EYS: variants seen among roughly 807,000 people sequenced by gnomAD.
EYS encodes EGF-like photoreceptor maintenance factor, also known as protein eyes shut homolog.
A neutral mutation model predicts 282.1 loss-of-function variants in EYS; 250 were observed. The ratio of observed to expected loss-of-function variants is 0.89; its 90% CI spans 0.80 to 0.98. The LOEUF is 0.98. EYS is among the 50% of genes least tolerant of loss of function. The pLI is 0.00. For synonymous variants in EYS, 1,355 were observed against 1,282.9 expected, an observed-to-expected ratio of 1.06 and a Z score of -1.20; for missense variants, 4,016 against 3,709.0, an observed-to-expected ratio of 1.08 and a Z score of -2.15.
In EYS at chr6:64,886,866, G is replaced by C. The variant is rs7743515; in HGVS notation, c.2847-24C>G. 1.1e-5 allele frequency: 16 copies of C among 1,428,770 alleles called. No individual in the cohort carries two copies. In the African/African-American group the frequency reaches 2.3e-4, roughly 21 times the overall value. 88.5% of individuals were successfully genotyped at this position (1,428,770 alleles called of 1,614,324 possible). A position where few individuals can be genotyped will look rare whatever the true frequency, so the allele number is the denominator to read the frequency against. On this transcript the variant is annotated intron_variant, in intron 18 of 42. Transcript: ENST00000503581. ...ATCTGGAGAAAAGTGGAGAAATGAG[G>C]AATAGCCATGTAACAATGATAATCA...
At chr6:65,336,473 T>A (rs969946920) in intron 10 of EYS, among the ~76,000 whole-genome samples, 1 of 151,694 alleles carries the variant, frequency 6.6e-6, no homozygotes. Context: ...ATGTATTGAA[T>A]ATATGTACAT....
At chr6:63,867,991 A>C (rs540489359) in intron 35 of EYS, among the ~76,000 whole-genome samples, 29 of 152,280 alleles carry the variant, frequency 1.9e-4, no homozygotes, top group African/African-American at 6.7e-4. Context: ...GGATATTATA[A>C]TTTTATTTCT....
intron 26 of EYS, among the ~76,000 whole-genome samples, chr6:64,528,093 T>C (rs1777982943): frequency 6.6e-6 from 1 of 151,908 alleles, no homozygotes; most frequent in African/African-American, 2.4e-5. Context: ...ATGAATTCAA[T>C]TACAACATGT....
intron 12 of EYS, among the ~76,000 whole-genome samples, chr6:65,139,281 A>T (rs1354298711): frequency 6.6e-6 from 1 of 152,068 alleles, no homozygotes; most frequent in East Asian, 1.9e-4. Flanking sequence ...CATCCTTTGA[A>T]ACAACATGGA....
At chr6:64,567,986 T>C (rs1765613053) in intron 26 of EYS, among the ~76,000 whole-genome samples, 1 of 152,170 alleles carries the variant, frequency 6.6e-6, no homozygotes, top group African/African-American at 2.4e-5. Context: ...GCACAGATTG[T>C]GGGAACACAA....
chr6:65,092,890 G>T (rs2150178796), intron 12 of EYS, among the ~76,000 whole-genome samples: 2 of 152,156 alleles, frequency 1.3e-5, no homozygotes, highest in Middle Eastern at 3.4e-3. Context: ...AGAATAAAAA[G>T]AGAAAAAGGC....
chr6:65,097,779 A>G (rs534348646), intron 12 of EYS, among the ~76,000 whole-genome samples: 1 of 150,116 alleles, frequency 6.7e-6, no homozygotes, highest in East Asian at 1.9e-4. Context: ...TGATTCTACT[A>G]ATAGGAAGTA....
chr6:64,658,310 T>A (rs1768837946), intron 22 of EYS, among the ~76,000 whole-genome samples: 1 of 87,696 alleles, frequency 1.1e-5, no homozygotes, highest in Non-Finnish European at 2.3e-5. Context: ...CTTCCTCCTT[T>A]AGCTCGGAAG....
chr6:64,585,431 A>G (rs1279382398), intron 26 of EYS, among the ~76,000 whole-genome samples: 2 of 152,146 alleles, frequency 1.3e-5, no homozygotes, highest in African/African-American at 4.8e-5. Context: ...TACACCATGT[A>G]ACGAACCTGC....
At chr6:64,593,404 T>C (rs1176102804) in intron 24 of EYS, 95 bp from the exon 25 acceptor site, 8 of 879,132 alleles carry the variant, frequency 9.1e-6, no homozygotes, top group African/African-American at 1.7e-5. Context: ...TGCATTTCCA[T>C]AGACATATTG....
At chr6:64,396,007 C>A (rs1411218560) in intron 28 of EYS, among the ~76,000 whole-genome samples, 2 of 151,794 alleles carry the variant, frequency 1.3e-5, no homozygotes, top group Non-Finnish European at 2.9e-5. Context: ...CTACCCAGGA[C>A]AAAAGGCACA....
intron 22 of EYS, among the ~76,000 whole-genome samples, chr6:64,769,578 G>A (rs918862080): frequency 1.3e-5 from 2 of 152,000 alleles, no homozygotes; most frequent in African/African-American, 4.8e-5. Context: ...CCAATTTAGT[G>A]ACTACAGACA....
intron 30 of EYS, among the ~76,000 whole-genome samples, chr6:64,275,745 A>C (rs1768093078): frequency 6.6e-6 from 1 of 151,566 alleles, no homozygotes; most frequent in African/African-American, 2.4e-5. Flanking sequence ...TCACGAGGTC[A>C]GAGATTGAGA....
At chr6:65,616,837 A>C (rs1254981274) in intron 2 of EYS, among the ~76,000 whole-genome samples, 1 of 152,178 alleles carries the variant, frequency 6.6e-6, no homozygotes. Context: ...CGAAGAAAAA[A>C]TAAATACGTA....
chr6:64,783,763 T>A (rs1186347332), intron 22 of EYS, among the ~76,000 whole-genome samples: 2 of 152,134 alleles, frequency 1.3e-5, no homozygotes, highest in East Asian at 3.8e-4. Flanking sequence ...TTGAAGACTG[T>A]CAGCAAATTT....
Position 65,024,538 on chromosome 6 carries a change from A to T in EYS, c.2138-26835T>A, listed in dbSNP as rs965660891. Among the ~76,000 whole-genome samples, 4 of 152,180 alleles carry T rather than the reference A, an allele frequency of 2.6e-5. No homozygotes were observed. In the South Asian group the frequency reaches 6.2e-4, roughly 24 times the overall value. On this transcript the variant is annotated intron_variant, in intron 13 of 42. Coordinates refer to ENST00000503581, the MANE Select transcript of EYS (RefSeq NM_001142800.2). ...CATGTGCTTCAGTTTTTCAGAATTCATGCGTCACGAATGTGGTTTACTTCT... is the reference window on the plus strand; with the variant it reads ...CATGTGCTTCAGTTTTTCAGAATTCTTGCGTCACGAATGTGGTTTACTTCT...
chr6:65,453,563 A>G (rs1386845800), intron 5 of EYS, among the ~76,000 whole-genome samples: 1 of 151,940 alleles, frequency 6.6e-6, no homozygotes, highest in Non-Finnish European at 1.5e-5. Flanking sequence ...GCTATTTTGT[A>G]ATATACAATA....
intron 31 of EYS, among the ~76,000 whole-genome samples, chr6:64,172,605 C>T (rs556922581): frequency 1.3e-5 from 2 of 152,160 alleles, no homozygotes; most frequent in Non-Finnish European, 2.9e-5. Flanking sequence ...ATCAAGATCT[C>T]AGGCAGCAAT....
At chr6:65,006,330 C>T (rs938461406) in intron 13 of EYS, among the ~76,000 whole-genome samples, 1 of 151,992 alleles carries the variant, frequency 6.6e-6, no homozygotes, top group African/African-American at 2.4e-5. Context: ...ATAATTGCCA[C>T]TTTGTTGTCA....
Sources: allele counts gnomAD v4.1 joint callset (sites outside exome capture counted in the v4.1 genomes callset), GRCh38; gene constraint gnomAD v4.1.1; transcripts MANE v1.5; gene names NCBI Gene and HGNC (gene_info 2026-07-23, HGNC 2026-07-21).